Variants in SUSD1 observed in about 807,000 individuals in gnomAD.
SUSD1 encodes sushi domain-containing protein 1.
In SUSD1, 65 loss-of-function variants were observed where a neutral mutation model predicts 86.9. The observed-to-expected ratio is 0.75, with a 90% CI of 0.61 to 0.92. SUSD1 has a LOEUF of 0.92. Among genes scored for constraint, SUSD1 ranks in the 40% least tolerant of loss-of-function variants. The pLI, the probability that SUSD1 is intolerant of heterozygous loss-of-function variation, is 0.00. For missense variants in SUSD1, 850 were observed against 929.7 expected (o/e 0.91, Z 1.11); for synonymous variants, 346 against 350.0 (o/e 0.99, Z 0.13).
chr9:112,098,380 C>A, intron 10 of SUSD1, 90 bp downstream of exon 10: 2 of 1,360,700 alleles, frequency 1.5e-6, no homozygotes, highest in East Asian at 2.3e-5. Flanking sequence ...CTCTTGACTC[C>A]CAAACTAGCA....
At chr9:112,064,010 G>A (rs1383234998) in intron 12 of SUSD1, among the ~76,000 whole-genome samples, 1 of 125,876 alleles carries the variant, frequency 7.9e-6, no homozygotes, top group Non-Finnish European at 1.6e-5. Context: ...TTCCCATGTA[G>A]CCCCATCCTT....
At position 112,143,503 on chromosome 9, in the gene SUSD1, A is replaced by T. The variant is rs77922130; in HGVS notation, c.494T>A (p.Phe165Tyr). Residue 165 changes from phenylalanine to tyrosine, a missense_variant, in exon 4 of 17, where the codon TTC becomes TAC. Transcript: ENST00000374270. ...TGATGTGGCATCGGTGGTCGGGTGG[A>T]AAGGTTCAGGTCCATTCCTTGGCAA... ...GYLPRNGPEP[F>Y]HPTTDATSCT... The T allele has an allele frequency of 6.2e-7, 1 of 1,613,690 alleles. No homozygotes were observed. Among genetic ancestry groups the T allele is most frequent in the East Asian group, 2.2e-5 (1 of 44,880 alleles).
chr9:112,103,732 T>G (rs1471077106), intron 8 of SUSD1, among the ~76,000 whole-genome samples: 1 of 152,116 alleles, frequency 6.6e-6, no homozygotes, highest in Admixed American at 6.5e-5. Context: ...GGCGGAAACA[T>G]GAAGACATTT....
rs531003057 is a variant in SUSD1, at chr9:112,058,834, A to C, written c.1851-148T>G. On this transcript the variant is annotated intron_variant, in intron 13 of 16. Transcript: ENST00000374270. ...TTTTGAGATGGAGTCTTGCTCTGTCACTAGGCTGGAGTACAGTGGTGCAAT... is the reference window on the plus strand; with the variant it reads ...TTTTGAGATGGAGTCTTGCTCTGTCCCTAGGCTGGAGTACAGTGGTGCAAT... 1.0e-5 allele frequency: 10 copies of C among 966,962 alleles called. No homozygotes were observed. The African/African-American group carries it at 1.7e-4, about 16-fold the overall frequency. The allele number at this position is 966,962 out of a possible 1,614,324, so 59.9% of individuals were successfully genotyped here.
chr9:112,111,640 TCAC>T lies in SUSD1; in HGVS notation c.1171+11_1171+13del. 1 of 1,610,294 alleles carries T rather than the reference TCAC, an allele frequency of 6.2e-7. No homozygotes were observed. Among genetic ancestry groups the T allele is most frequent in the African/African-American group, 1.3e-5 (1 of 74,904 alleles). ...GCATTTTCTAGGAGGAAATGAGACT[TCAC>T]CTCCACCTACCAGCTGTCTGGAAAC... is the stretch of plus-strand genomic sequence containing the variant. On this transcript the variant is annotated intron_variant, in intron 8 of 16. Transcript: ENST00000374270.
At chr9:112,156,473 A>C (rs1224097560) in intron 2 of SUSD1, among the ~76,000 whole-genome samples, 2 of 152,030 alleles carry the variant, frequency 1.3e-5, no homozygotes, top group Admixed American at 6.6e-5. Context: ...AAAAAAAAAA[A>C]AATACTCACT....
rs117174436 is a variant in SUSD1 at position 112,133,317 on chromosome 9, T to C, written c.707-8881A>G. 3.5e-3 allele frequency among the ~76,000 whole-genome samples: 533 copies of C among 152,204 alleles called. 23 individuals are homozygous for C. In the East Asian group the frequency reaches 0.086, roughly 25 times the overall value. ...CATTACATTACCAGACTTCAAACTA[T>C]ACTACAAAGCTACAGCAACCAAAAC... is the stretch of plus-strand genomic sequence containing the variant. On this transcript the variant is annotated intron_variant, in intron 5 of 16. Coordinates refer to ENST00000374270, the MANE Select transcript of SUSD1 (RefSeq NM_022486.5).
rs536512876 is a variant in SUSD1 at position 112,148,004 on chromosome 9, T to A, written c.373+1240A>T. Among the ~76,000 whole-genome samples the A allele has an allele frequency of 2.6e-4, 39 of 152,346 alleles. 1 individual carries two copies. The South Asian group carries it at 7.2e-3, about 28-fold the overall frequency. On this transcript the variant is annotated intron_variant, in intron 3 of 16. Transcript: ENST00000374270. ...TCATTCGTGCCAAGAATAAATCAAATGTATCCTTTGAGAGATTCTGCCTTG... is the reference window on the plus strand; with the variant it reads ...TCATTCGTGCCAAGAATAAATCAAAAGTATCCTTTGAGAGATTCTGCCTTG...
At chr9:112,109,538 C>T (rs1183655395) in intron 8 of SUSD1, among the ~76,000 whole-genome samples, 1 of 152,186 alleles carries the variant, frequency 6.6e-6, no homozygotes, top group South Asian at 2.1e-4. Context: ...TAATCCAATT[C>T]CCTTTAGTCC....
chr9:112,161,918 G>A (rs538493758), intron 1 of SUSD1, among the ~76,000 whole-genome samples: 1 of 152,154 alleles, frequency 6.6e-6, no homozygotes, highest in Non-Finnish European at 1.5e-5. Flanking sequence ...ATGGATGGTA[G>A]CGATGGTTGC....
intron 7 of SUSD1, 49 bp from the exon 8 acceptor site, chr9:112,111,889 A>G (rs1831116531): frequency 6.3e-7 from 1 of 1,586,272 alleles, no homozygotes; most frequent in Admixed American, 1.7e-5. Flanking sequence ...AGTCAAAACA[A>G]TCCAGGATTT....
At chr9:112,081,456 C>T (rs545494478) in intron 10 of SUSD1, among the ~76,000 whole-genome samples, 1 of 152,158 alleles carries the variant, frequency 6.6e-6, no homozygotes, top group African/African-American at 2.4e-5. Flanking sequence ...TGGTAAGGAA[C>T]AGGAGGAGTA....
Position 112,114,571 on chromosome 9 carries a change from C to T in SUSD1, c.887-1703G>A, listed in dbSNP as rs118070547. Among the ~76,000 whole-genome samples, 13 of 152,242 alleles carry T rather than the reference C, an allele frequency of 8.5e-5. No homozygotes were observed. In the East Asian group the frequency reaches 2.5e-3, roughly 29 times the overall value. ...CCAGAGAAAGTTGTCCTCATGTCACCAAAAAGGGATATTCCACAGCCCCAG... is the reference window on the plus strand; with the variant it reads ...CCAGAGAAAGTTGTCCTCATGTCACTAAAAAGGGATATTCCACAGCCCCAG... On this transcript the variant is annotated intron_variant, in intron 6 of 16. Transcript: ENST00000374270.
chr9:112,069,504 G>A (rs543613068), intron 12 of SUSD1, among the ~76,000 whole-genome samples: 17 of 152,266 alleles, frequency 1.1e-4, no homozygotes, highest in Admixed American at 2.0e-4. Context: ...CCCTGGGAAC[G>A]TACCCCTTCC....
chr9:112,057,865 T>A (rs1269583455), intron 14 of SUSD1, among the ~76,000 whole-genome samples: 2 of 152,220 alleles, frequency 1.3e-5, no homozygotes, highest in African/African-American at 4.8e-5. Context: ...TTCTTCCAGA[T>A]CTTCCATCCC....
At chr9:112,050,604 C>T (rs992285002) in intron 15 of SUSD1, among the ~76,000 whole-genome samples, 8 of 152,062 alleles carry the variant, frequency 5.3e-5, no homozygotes, top group South Asian at 2.1e-4. Flanking sequence ...TGCTCTGAGG[C>T]GGGGAGAGGA....
At position 112,080,173 on chromosome 9, in the gene SUSD1, G is replaced by A. The variant is rs60956063; in HGVS notation, c.1475-8C>T. On this transcript the variant is annotated splice_polypyrimidine_tract_variant and splice_region_variant and intron_variant, in intron 10 of 16. Coordinates refer to ENST00000374270, the MANE Select transcript of SUSD1 (RefSeq NM_022486.5). ...TACTGATGGTCTGTTTTACTGTAGTGGAAAAGAAATGAGAAATCAATTTAC... is the reference window on the plus strand; with the variant it reads ...TACTGATGGTCTGTTTTACTGTAGTAGAAAAGAAATGAGAAATCAATTTAC... 1.6e-3 allele frequency: 2,575 copies of A among 1,600,498 alleles called. 33 individuals carry two copies. In the African/African-American group the frequency reaches 0.03, roughly 18 times the overall value.
intron 15 of SUSD1, chr9:112,052,187 C>T (rs1419812822): frequency 4.0e-6 from 6 of 1,488,294 alleles, no homozygotes; most frequent in Non-Finnish European, 1.8e-6. Flanking sequence ...TTCCTGGAGC[C>T]TTCTTGGTGG....
At chr9:112,127,754 T>C (rs1015360766) in intron 5 of SUSD1, among the ~76,000 whole-genome samples, 1 of 152,220 alleles carries the variant, frequency 6.6e-6, no homozygotes, top group African/African-American at 2.4e-5. Flanking sequence ...AAATGTTATA[T>C]AGAAATAATA....
Sources: gnomAD v4.1 joint callset for allele counts (sites outside exome capture counted in the v4.1 genomes callset) on GRCh38, gnomAD v4.1.1 for gene constraint, MANE v1.5 for transcripts, NCBI Gene and HGNC (gene_info 2026-07-23, HGNC 2026-07-21) for gene names.